Variants in ARHGEF9 observed in about 807,000 individuals in gnomAD.
The protein encoded by ARHGEF9 is rho guanine nucleotide exchange factor 9.
In ARHGEF9, 2 loss-of-function variants were observed where a neutral mutation model predicts 41.3. The ratio of observed to expected loss-of-function variants is 0.05; its 90% CI spans 0.02 to 0.15. The LOEUF is 0.15. Ranked by LOEUF, ARHGEF9 falls within the 10% of genes least tolerant of loss-of-function variation. The pLI is 1.00. For synonymous variants in ARHGEF9, 160 were observed against 154.4 expected, an observed-to-expected ratio of 1.04 and a Z score of -0.27; for missense variants, 225 against 424.7, an observed-to-expected ratio of 0.53 and a Z score of 4.13.
chrX:63,680,410 G>A (rs1602370557), intron 4 of ARHGEF9, among the ~76,000 whole-genome samples: 1 of 112,158 alleles, frequency 8.9e-6, no homozygotes, highest in East Asian at 2.8e-4. Flanking sequence ...CTACATACAG[G>A]GAGGAGACAG....
At chrX:63,735,588 C>T (rs782325144) in intron 1 of ARHGEF9, among the ~76,000 whole-genome samples, 1 of 111,751 alleles carries the variant, frequency 8.9e-6, no homozygotes, top group Admixed American at 9.5e-5. Context: ...GTCCTAACGT[C>T]GTTAAATGTG....
At chrX:63,670,531 C>A (rs782106282) in intron 6 of ARHGEF9, among the ~76,000 whole-genome samples, 25 of 108,979 alleles carry the variant, frequency 2.3e-4, no homozygotes, top group African/African-American at 8.3e-4. Flanking sequence ...TGCTACAAAT[C>A]TCCAGAAAAA....
chrX:63,757,114 A>C (rs189492969), intron 1 of ARHGEF9, among the ~76,000 whole-genome samples: 3 of 111,587 alleles, frequency 2.7e-5, no homozygotes, highest in Non-Finnish European at 5.6e-5. Context: ...GTTCTTCTTC[A>C]TCCAGTCATT....
chrX:63,656,370 CA>C (rs1556336131), intron 7 of ARHGEF9: 1 of 112,677 alleles, frequency 8.9e-6, no homozygotes, highest in South Asian at 3.7e-4. Context: ...TAGATGGATA[CA>C]AACAGTATGT....
chrX:63,712,148 T>C (rs1471832654), intron 2 of ARHGEF9, among the ~76,000 whole-genome samples: 2 of 112,018 alleles, frequency 1.8e-5, no homozygotes. Context: ...TGTGAAGAAA[T>C]TGGAACTCCC....
intron 4 of ARHGEF9, among the ~76,000 whole-genome samples, chrX:63,679,113 T>C (rs1556366192): frequency 8.9e-6 from 1 of 111,945 alleles, no homozygotes; most frequent in African/African-American, 3.2e-5. Flanking sequence ...TGTATGCAAG[T>C]TAAAACACTA....
intron 7 of ARHGEF9, chrX:63,657,351 G>A (rs1358537714): frequency 1.8e-5 from 2 of 111,578 alleles, no homozygotes; most frequent in African/African-American, 6.5e-5. Context: ...CACATTGTGC[G>A]GTATACTGAG....
intron 1 of ARHGEF9, among the ~76,000 whole-genome samples, chrX:63,753,321 A>T (rs1451848458): frequency 1.8e-5 from 2 of 111,561 alleles, no homozygotes; most frequent in African/African-American, 6.5e-5. Flanking sequence ...CACATTACAG[A>T]CTTTCAGTTT....
intron 4 of ARHGEF9, among the ~76,000 whole-genome samples, chrX:63,683,174 AC>A (rs1466986555): frequency 1.4e-4 from 16 of 111,424 alleles, no homozygotes; most frequent in Admixed American, 4.8e-4. Context: ...AAATCAGTGT[AC>A]AAAAATCAGT....
chrX:63,746,282 A>G, intron 1 of ARHGEF9, among the ~76,000 whole-genome samples: 1 of 112,411 alleles, frequency 8.9e-6, no homozygotes, highest in Middle Eastern at 4.6e-3. Flanking sequence ...ACTAGCACAT[A>G]AGAGTGATAA....
rs141158169 is a variant in ARHGEF9 at position 63,666,015 on chromosome X, G to A, written c.948C>T (p.Gly316=). 6 of 1,206,169 alleles carry A rather than the reference G, an allele frequency of 5.0e-6. No individual in the cohort carries two copies. The highest frequency in any genetic ancestry group is 3.1e-4 in the Middle Eastern group (1 of 3,212). ...CCGAGCTCCTGTCTAGGATGTCCTC[G>A]CCCTGGGAAGGACATGTGATGATGA... The part of the protein sequence containing the change: ...QWQASVLDWE[G]EDILDRSSEL... Residue 316 remains glycine (G), a splice_region_variant and synonymous_variant, in exon 7 of 10, where the codon GGC becomes GGT. Transcript: ENST00000671741.
intron 1 of ARHGEF9, among the ~76,000 whole-genome samples, chrX:63,731,037 A>G (rs1254364903): frequency 1.8e-5 from 2 of 112,261 alleles, no homozygotes; most frequent in African/African-American, 6.5e-5. Flanking sequence ...AATAAGAAGC[A>G]GCAGAAGGGA....
At chrX:63,781,560 G>T (rs1345464746) in intron 1 of ARHGEF9, among the ~76,000 whole-genome samples, 1 of 111,791 alleles carries the variant, frequency 8.9e-6, no homozygotes, top group African/African-American at 3.3e-5. Context: ...AAAGGAGAAA[G>T]ACACGTATCA....
intron 1 of ARHGEF9, among the ~76,000 whole-genome samples, chrX:63,730,221 C>T (rs2054200852): frequency 8.9e-6 from 1 of 112,344 alleles, no homozygotes; most frequent in Non-Finnish European, 1.9e-5. Context: ...GAAGCTTATA[C>T]TTGTAGAAAA....
intron 8 of ARHGEF9, among the ~76,000 whole-genome samples, chrX:63,645,112 C>A (rs1204719921): frequency 1.8e-5 from 2 of 109,916 alleles, no homozygotes; most frequent in African/African-American, 6.6e-5. Context: ...CAAAAGGAAA[C>A]CATAACTGAA....
chrX:63,713,110 T>C (rs1326718644), intron 2 of ARHGEF9: 1 of 111,773 alleles, frequency 8.9e-6, no homozygotes, highest in African/African-American at 3.3e-5. Context: ...CAGTGTAATA[T>C]TTCTGAGAAG....
intron 7 of ARHGEF9, among the ~76,000 whole-genome samples, chrX:63,658,322 G>A (rs1289730450): frequency 1.8e-5 from 2 of 111,757 alleles, no homozygotes; most frequent in Non-Finnish European, 3.8e-5. Flanking sequence ...AGATGTGATA[G>A]GAATAATTAA....
chrX:63,749,387 C>T (rs782751783), intron 1 of ARHGEF9, among the ~76,000 whole-genome samples: 1 of 111,493 alleles, frequency 9.0e-6, no homozygotes, highest in Non-Finnish European at 1.9e-5. Flanking sequence ...TGTGCCACCA[C>T]GCCCGGCTAA....
At chrX:63,735,315 A>G (rs1219745756) in intron 1 of ARHGEF9, among the ~76,000 whole-genome samples, 1 of 110,829 alleles carries the variant, frequency 9.0e-6, no homozygotes, top group African/African-American at 3.3e-5. Context: ...CAGGCCTTGG[A>G]GTTTTCTGGG....
Sources: allele counts gnomAD v4.1 joint callset (sites outside exome capture counted in the v4.1 genomes callset), GRCh38; gene constraint gnomAD v4.1.1; transcripts MANE v1.5; gene names NCBI Gene and HGNC (gene_info 2026-07-23, HGNC 2026-07-21).